Variants in THRB observed in about 807,000 individuals in gnomAD.
THRB encodes thyroid hormone receptor beta.
Under a neutral mutation model 47.8 loss-of-function variants are expected in THRB, and 12 were observed. That is an observed-to-expected ratio of 0.25 (90% CI 0.16 to 0.41). The LOEUF (loss-of-function observed/expected upper bound fraction) is 0.41. Among genes scored for constraint, THRB ranks in the 10% least tolerant of loss-of-function variants. THRB has a pLI of 1.00. For missense variants in THRB, 348 were observed against 589.2 expected, an observed-to-expected ratio of 0.59 and a Z score of 4.24; for synonymous variants, 218 against 212.2, an observed-to-expected ratio of 1.03 and a Z score of -0.24.
At chr3:24,396,604 C>T (rs1453335958) in intron 1 of THRB, among the ~76,000 whole-genome samples, 2 of 152,092 alleles carry the variant, frequency 1.3e-5, no homozygotes, top group Non-Finnish European at 2.9e-5. Context: ...AGAAACTATG[C>T]ACCACTGGGT....
chr3:24,448,051 C>T (rs1468865287), intron 1 of THRB, among the ~76,000 whole-genome samples: 1 of 151,858 alleles, frequency 6.6e-6, no homozygotes, highest in Non-Finnish European at 1.5e-5. Flanking sequence ...GAAGCAACTA[C>T]TTATTTCTTT....
intron 1 of THRB, among the ~76,000 whole-genome samples, chr3:24,385,118 T>C (rs921232482): frequency 2.6e-5 from 4 of 152,182 alleles, no homozygotes; most frequent in African/African-American, 9.6e-5. Context: ...TTCTAAGGTC[T>C]AATAAAATTT....
intron 7 of THRB, among the ~76,000 whole-genome samples, 173 bp downstream of exon 7, chr3:24,146,502 T>A (rs2036123202): frequency 6.6e-6 from 1 of 152,190 alleles, no homozygotes. Context: ...GGCTCCCACC[T>A]CCCTTTCAGG....
chr3:24,299,785 AT>A (rs201258529), intron 2 of THRB, among the ~76,000 whole-genome samples: 2,619 of 62,908 alleles, frequency 0.042, 160 homozygotes, highest in Admixed American at 0.049. Flanking sequence ...TTATTTATTT[AT>A]TTATTTTTTT....
chr3:24,401,852 A>T (rs1313435844), intron 1 of THRB, among the ~76,000 whole-genome samples: 3 of 152,130 alleles, frequency 2.0e-5, no homozygotes, highest in Non-Finnish European at 2.9e-5. Context: ...ATATGTGTTT[A>T]AAAAAGCTCA....
chr3:24,286,848 T>C (rs2055356230), intron 3 of THRB, among the ~76,000 whole-genome samples: 1 of 152,220 alleles, frequency 6.6e-6, no homozygotes, highest in African/African-American at 2.4e-5. Flanking sequence ...GGGCATGTGC[T>C]ACATTTTCTC....
intron 4 of THRB, among the ~76,000 whole-genome samples, chr3:24,204,396 C>T (rs1041585481): frequency 2.0e-5 from 3 of 152,328 alleles, no homozygotes; most frequent in African/African-American, 7.2e-5. Flanking sequence ...CAAACAGGGT[C>T]TAGAGTGGAC....
intron 2 of THRB, among the ~76,000 whole-genome samples, chr3:24,318,111 A>G (rs141592543): frequency 2.0e-5 from 3 of 152,346 alleles, no homozygotes; most frequent in African/African-American, 7.2e-5. Flanking sequence ...TTTGGCTTCA[A>G]AAAGTGAGTA....
At chr3:24,135,485 AG>A (rs1245004878) in intron 8 of THRB, among the ~76,000 whole-genome samples, 2 of 151,966 alleles carry the variant, frequency 1.3e-5, no homozygotes, top group Non-Finnish European at 2.9e-5. Context: ...ACAATGATTG[AG>A]AATGTTTTGG....
intron 4 of THRB, among the ~76,000 whole-genome samples, chr3:24,208,558 A>C (rs549857572): frequency 5.3e-4 from 81 of 152,294 alleles, no homozygotes; most frequent in Middle Eastern, 3.4e-3. Context: ...ATCTACAACC[A>C]TCCGATCTTT....
intron 5 of THRB, among the ~76,000 whole-genome samples, chr3:24,167,158 C>T (rs2039754561): frequency 6.6e-6 from 1 of 152,010 alleles, no homozygotes; most frequent in Non-Finnish European, 1.5e-5. Context: ...GTAGAATGAG[C>T]TAAAGATGTG....
chr3:24,248,471 A>G (rs1390840542), intron 3 of THRB, among the ~76,000 whole-genome samples: 2 of 152,162 alleles, frequency 1.3e-5, no homozygotes, highest in Admixed American at 6.5e-5. Flanking sequence ...TGAGTTTTTG[A>G]CCCAAAAGCT....
intron 1 of THRB, among the ~76,000 whole-genome samples, chr3:24,360,513 A>G (rs1055192247): frequency 6.6e-6 from 1 of 152,166 alleles, no homozygotes; most frequent in African/African-American, 2.4e-5. Flanking sequence ...ATTCCTGCAC[A>G]CTGGAATCCC....
chr3:24,215,113 G>A (rs1269858328), intron 4 of THRB, among the ~76,000 whole-genome samples: 1 of 152,132 alleles, frequency 6.6e-6, no homozygotes, highest in Non-Finnish European at 1.5e-5. Context: ...AAAAAAGCAA[G>A]AGCACTAACA....
At chr3:24,327,147 A>T (rs1238169808) in intron 2 of THRB, among the ~76,000 whole-genome samples, 2 of 152,218 alleles carry the variant, frequency 1.3e-5, no homozygotes, top group Non-Finnish European at 2.9e-5. Context: ...CATAGGAATG[A>T]ACAATTACAA....
chr3:24,344,464 A>T (rs2062877564), intron 1 of THRB, among the ~76,000 whole-genome samples: 1 of 152,124 alleles, frequency 6.6e-6, no homozygotes, highest in South Asian at 2.1e-4. Context: ...CTACATCAGC[A>T]TGAAGACTTT....
chr3:24,250,195 T>C (rs1336930590), intron 3 of THRB, among the ~76,000 whole-genome samples: 2 of 152,208 alleles, frequency 1.3e-5, no homozygotes, highest in Non-Finnish European at 2.9e-5. Flanking sequence ...TAGTATTAGA[T>C]GCATTTGTTC....
At chr3:24,302,702 A>C (rs965364532) in intron 2 of THRB, among the ~76,000 whole-genome samples, 1 of 152,176 alleles carries the variant, frequency 6.6e-6, no homozygotes, top group South Asian at 2.1e-4. Context: ...AGCATTTACT[A>C]TACTTCTTCT....
At chr3:24,453,382 G>A (rs1466563793) in intron 1 of THRB, among the ~76,000 whole-genome samples, 2 of 152,156 alleles carry the variant, frequency 1.3e-5, no homozygotes, top group African/African-American at 4.8e-5. Flanking sequence ...GAGGAAGTTA[G>A]TACTATAACC....
Sources: gnomAD v4.1 joint callset for allele counts (sites outside exome capture counted in the v4.1 genomes callset) on GRCh38, gnomAD v4.1.1 for gene constraint, MANE v1.5 for transcripts, NCBI Gene and HGNC (gene_info 2026-07-23, HGNC 2026-07-21) for gene names.